CACUL1: variants seen among roughly 807,000 people sequenced by gnomAD.
CACUL1 encodes the protein CDK2-associated and cullin domain-containing protein 1.
Under a neutral mutation model 45.2 loss-of-function variants are expected in CACUL1, and 13 were observed. The ratio of observed to expected loss-of-function variants is 0.29; its 90% confidence interval spans 0.19 to 0.46. The LOEUF is 0.46. Ranked by LOEUF, CACUL1 falls within the 20% of genes least tolerant of loss-of-function variation. The pLI, the probability that CACUL1 is intolerant of heterozygous loss-of-function variation, is 1.00. For missense variants in CACUL1, 421 were observed against 471.4 expected (o/e 0.89, Z 0.99); for synonymous variants, 197 against 174.2 (o/e 1.13, Z -1.03).
chr10:118,711,331 C>T (rs559750834), intron 3 of CACUL1, among the ~76,000 whole-genome samples: 22 of 152,334 alleles, frequency 1.4e-4, no homozygotes, highest in African/African-American at 5.1e-4. Flanking sequence ...CCACCCACTT[C>T]GGCCTCCCGA....
Position 118,678,555 on chromosome 10 carries a change from G to A in CACUL1, c.*7573C>T, listed in dbSNP as rs1434620852. On this transcript the variant is annotated 3_prime_UTR_variant, in exon 9 of 9. Coordinates refer to ENST00000369151, the MANE Select transcript of CACUL1 (RefSeq NM_153810.5). The stretch of plus-strand genomic sequence containing the variant: ...TTTGGAATTGCAATTTGGAGAAAAA[G>A]TTGAGATTTAGATAATATTGAGTGT... 1 of 151,970 alleles carries A rather than the reference G, an allele frequency of 6.6e-6. No individual in the cohort carries two copies. The highest frequency in any genetic ancestry group is 2.4e-5 in the African/African-American group (1 of 41,378). 9.4% of individuals were successfully genotyped at this position (151,970 alleles called of 1,614,324 possible).
chr10:118,687,455 TC>T (rs955031678), intron 7 of CACUL1, among the ~76,000 whole-genome samples: 6 of 151,986 alleles, frequency 3.9e-5, no homozygotes, highest in African/African-American at 1.5e-4. Context: ...TCCTCTCTTT[TC>T]CTCATTCTGG....
intron 4 of CACUL1, among the ~76,000 whole-genome samples, chr10:118,702,377 G>C (rs989481219): frequency 2.0e-5 from 3 of 152,120 alleles, no homozygotes; most frequent in Non-Finnish European, 4.4e-5. Flanking sequence ...CCGATGTTAC[G>C]GAGAGCAGAG....
intron 3 of CACUL1, among the ~76,000 whole-genome samples, chr10:118,728,140 T>C (rs1033025512): frequency 2.0e-4 from 31 of 152,006 alleles, no homozygotes; most frequent in African/African-American, 7.3e-4. Context: ...GTGCAACAAC[T>C]GTTTGGGGAA....
chr10:118,726,839 T>C (rs769383421), intron 3 of CACUL1, among the ~76,000 whole-genome samples: 1 of 152,052 alleles, frequency 6.6e-6, no homozygotes, highest in Non-Finnish European at 1.5e-5. Context: ...ATGATATATA[T>C]TAGCACGTTT....
intron 5 of CACUL1, among the ~76,000 whole-genome samples, chr10:118,699,155 A>G (rs1303417373): frequency 2.0e-5 from 3 of 152,216 alleles, no homozygotes; most frequent in African/African-American, 7.2e-5. Flanking sequence ...ATGATCACCC[A>G]CATAATACAG....
At chr10:118,701,017 T>C (rs1431423501) in intron 5 of CACUL1, among the ~76,000 whole-genome samples, 1 of 152,170 alleles carries the variant, frequency 6.6e-6, no homozygotes, top group Non-Finnish European at 1.5e-5. Context: ...CTAATAATAC[T>C]TTCCCTACTG....
intron 5 of CACUL1, among the ~76,000 whole-genome samples, chr10:118,697,230 T>A (rs1845332082): frequency 1.3e-5 from 2 of 152,202 alleles, no homozygotes; most frequent in Admixed American, 6.5e-5. Context: ...AGCTTTATCA[T>A]CTACCTTTTT....
chr10:118,721,594 C>T (rs914079028), intron 3 of CACUL1, among the ~76,000 whole-genome samples: 2 of 152,066 alleles, frequency 1.3e-5, no homozygotes, highest in Non-Finnish European at 2.9e-5. Context: ...TCTGTGGTCT[C>T]TCCTCAACAG....
chr10:118,734,690 T>C (rs1221103506), intron 1 of CACUL1, among the ~76,000 whole-genome samples: 1 of 151,954 alleles, frequency 6.6e-6, no homozygotes, highest in African/African-American at 2.4e-5. Context: ...GGCACAGAGG[T>C]TCAAGAAATT....
intron 1 of CACUL1, among the ~76,000 whole-genome samples, chr10:118,734,320 G>A (rs1290656405): frequency 6.6e-6 from 1 of 152,132 alleles, no homozygotes; most frequent in African/African-American, 2.4e-5. Flanking sequence ...TATATTATAC[G>A]TGGCTAAAGA....
At chr10:118,691,664 G>T (rs939822655) in intron 6 of CACUL1, 2 of 317,348 alleles carry the variant, frequency 6.3e-6, no homozygotes, top group Non-Finnish European at 1.2e-5. Context: ...TCAGGAGATC[G>T]AGACCATCCT....
chr10:118,741,395 G>A (rs865816608), intron 1 of CACUL1, among the ~76,000 whole-genome samples: 2 of 152,092 alleles, frequency 1.3e-5, no homozygotes, highest in Middle Eastern at 6.8e-3. Flanking sequence ...ATGAGAAAAT[G>A]CAGAATTTAC....
intron 1 of CACUL1, among the ~76,000 whole-genome samples, chr10:118,741,828 T>C (rs190230052): frequency 2.8e-4 from 43 of 152,290 alleles, no homozygotes; most frequent in Middle Eastern, 3.4e-3. Context: ...CTTCACTATC[T>C]AGCCCTTTCT....
chr10:118,700,544 C>G (rs553360023), intron 5 of CACUL1, among the ~76,000 whole-genome samples: 2 of 151,986 alleles, frequency 1.3e-5, no homozygotes, highest in African/African-American at 2.4e-5. Context: ...GGTGAAACCC[C>G]ATCTCTACTA....
chr10:118,740,939 A>C (rs1845786948), intron 1 of CACUL1, among the ~76,000 whole-genome samples: 1 of 151,796 alleles, frequency 6.6e-6, no homozygotes, highest in Non-Finnish European at 1.5e-5. Context: ...AAAAAAAAAA[A>C]CAAACAAAAC....
At chr10:118,751,529 G>GTAAGTCTCTGCCCTCCAATTGT (rs1245355559) in intron 1 of CACUL1, among the ~76,000 whole-genome samples, 2 of 152,096 alleles carry the variant, frequency 1.3e-5, no homozygotes, top group African/African-American at 4.8e-5. Flanking sequence ...ATGTATCCAG[G>GTAAGTCTCTGCCCTCCAATTGT]TAAGTCTCTG....
chr10:118,698,341 A>G (rs1022432077), intron 5 of CACUL1, among the ~76,000 whole-genome samples: 3 of 151,978 alleles, frequency 2.0e-5, no homozygotes, highest in African/African-American at 7.3e-5. Flanking sequence ...ACAGGGTTTC[A>G]CCATGTTGAC....
intron 3 of CACUL1, among the ~76,000 whole-genome samples, chr10:118,711,483 G>A (rs1342336334): frequency 6.6e-6 from 1 of 152,156 alleles, no homozygotes; most frequent in East Asian, 1.9e-4. Context: ...GGAATCATAC[G>A]TAACATCTTC....
Sources: allele counts gnomAD v4.1 joint callset (sites outside exome capture counted in the v4.1 genomes callset), GRCh38; gene constraint gnomAD v4.1.1; transcripts MANE v1.5; gene names NCBI Gene and HGNC (gene_info 2026-07-23, HGNC 2026-07-21).